The following RBMS3 variants were observed in gnomAD, a reference collection of about 807,000 sequenced individuals.
RBMS3 encodes RNA-binding motif, single-stranded-interacting protein 3.
Under a neutral mutation model 66.8 loss-of-function variants are expected in RBMS3, and 27 were observed. That is an observed-to-expected ratio of 0.40 (90% confidence interval 0.30 to 0.56). The LOEUF is 0.56. Ranked by LOEUF, RBMS3 falls within the 20% of genes least tolerant of loss-of-function variation. RBMS3 has a pLI of 0.40. For missense variants in RBMS3, 513 were observed against 549.5 expected, an observed-to-expected ratio of 0.93 and a Z score of 0.66; for synonymous variants, 188 against 183.0, an observed-to-expected ratio of 1.03 and a Z score of -0.22.
intron 6 of RBMS3, among the ~76,000 whole-genome samples, chr3:29,855,199 G>A (rs1278054646): frequency 6.6e-6 from 1 of 152,076 alleles, no homozygotes; most frequent in Non-Finnish European, 1.5e-5. Context: ...TGTTAGTTAG[G>A]GAAATTTTAC....
intron 5 of RBMS3, among the ~76,000 whole-genome samples, chr3:29,744,253 T>C (rs945345417): frequency 1.4e-4 from 22 of 152,308 alleles, no homozygotes; most frequent in South Asian, 8.3e-4. Context: ...GTACTTAGAA[T>C]ATTGACACAT....
At chr3:29,321,848 C>T (rs1439259726) in intron 1 of RBMS3, among the ~76,000 whole-genome samples, 1 of 152,156 alleles carries the variant, frequency 6.6e-6, no homozygotes, top group Non-Finnish European at 1.5e-5. Flanking sequence ...CACTCGTCCT[C>T]TCTGAGTGCT....
Position 29,693,275 on chromosome 3 carries a change from A to T in RBMS3, c.400-46445A>T, listed in dbSNP as rs528751238. Among the ~76,000 whole-genome samples, 123 of 152,334 alleles carry T rather than the reference A, an allele frequency of 8.1e-4. 1 individual carries two copies. Among genetic ancestry groups the T allele is most frequent in the Non-Finnish European group, 1.3e-3 (91 of 68,014 alleles). ...GTGATGCTGTACAGAGCAAATTCAG[A>T]CTAATACATAGACCTCAAATTCATG... On this transcript the variant is annotated intron_variant, in intron 4 of 14. Transcript: ENST00000383767.
At chr3:29,554,038 T>C (rs1192672248) in intron 3 of RBMS3, among the ~76,000 whole-genome samples, 1 of 152,148 alleles carries the variant, frequency 6.6e-6, no homozygotes, top group African/African-American at 2.4e-5. Context: ...ATAAGAAAAA[T>C]AAGGGGACTT....
At chr3:29,943,266 A>C (rs1035037679) in intron 11 of RBMS3, among the ~76,000 whole-genome samples, 2 of 151,844 alleles carry the variant, frequency 1.3e-5, no homozygotes, top group African/African-American at 2.4e-5. Context: ...CTATTTAACC[A>C]TGTGTTGGCA....
intron 3 of RBMS3, 24 bp downstream of exon 3, chr3:29,488,523 C>T (rs375973374): frequency 6.3e-7 from 1 of 1,594,656 alleles, no homozygotes; most frequent in African/African-American, 1.3e-5. Flanking sequence ...CATCCGTACC[C>T]TGAAATCTTG....
At chr3:29,522,764 T>C (rs928450202) in intron 3 of RBMS3, among the ~76,000 whole-genome samples, 1 of 152,252 alleles carries the variant, frequency 6.6e-6, no homozygotes, top group Non-Finnish European at 1.5e-5. Flanking sequence ...TACTGGAATC[T>C]AGTTGACAAA....
intron 1 of RBMS3, among the ~76,000 whole-genome samples, chr3:29,392,177 G>A (rs572474809): frequency 7.0e-4 from 107 of 152,304 alleles, no homozygotes; most frequent in African/African-American, 2.5e-3. Context: ...TTGAACCCGG[G>A]AGGTGGAGGC....
At chr3:29,751,619 G>T (rs974564613) in intron 5 of RBMS3, among the ~76,000 whole-genome samples, 8 of 152,128 alleles carry the variant, frequency 5.3e-5, no homozygotes, top group African/African-American at 1.9e-4. Context: ...TAAATACATA[G>T]GTATTTTCCT....
At chr3:29,514,976 G>A (rs2148962404) in intron 3 of RBMS3, among the ~76,000 whole-genome samples, 1 of 152,132 alleles carries the variant, frequency 6.6e-6, no homozygotes, top group East Asian at 1.9e-4. Flanking sequence ...TTTCACAGAT[G>A]AGGGTAATGA....
rs2125652790 is a variant in RBMS3, at chr3:29,395,122, A to G, written c.76-39621A>G. On this transcript the variant is annotated intron_variant, in intron 1 of 14. Transcript: ENST00000383767. ...GAAGAATAATTCATGATCTGTTCAA[A>G]TCCTCATTACCACTTTCTAATCTGA... is the stretch of plus-strand genomic sequence containing the variant. Among the ~76,000 whole-genome samples the G allele has an allele frequency of 1.3e-5, 2 of 152,282 alleles. 1 individual carries two copies. Among genetic ancestry groups the G allele is most frequent in the South Asian group, 4.1e-4 (2 of 4,826 alleles).
At chr3:29,587,084 T>C in intron 3 of RBMS3, 30 bp from the exon 4 acceptor site, 1 of 1,551,994 alleles carries the variant, frequency 6.4e-7, no homozygotes, top group South Asian at 1.2e-5. Context: ...TTTTTGTGAA[T>C]ATTAACAAGG....
At chr3:29,511,806 C>A (rs1465749599) in intron 3 of RBMS3, among the ~76,000 whole-genome samples, 1 of 151,210 alleles carries the variant, frequency 6.6e-6, no homozygotes, top group African/African-American at 2.5e-5. Flanking sequence ...CCAATTGTGT[C>A]TTGGGAAAAA....
At chr3:29,451,393 C>T (rs1023360596) in intron 2 of RBMS3, among the ~76,000 whole-genome samples, 2 of 152,088 alleles carry the variant, frequency 1.3e-5, no homozygotes, top group East Asian at 3.9e-4. Context: ...GCTAACTCCC[C>T]CCTTTCTAGG....
chr3:29,736,269 G>A (rs990827557), intron 4 of RBMS3, among the ~76,000 whole-genome samples: 10 of 152,046 alleles, frequency 6.6e-5, no homozygotes, highest in Admixed American at 6.6e-4. Flanking sequence ...ATTAAAGAAC[G>A]ACACTATCCA....
intron 1 of RBMS3, among the ~76,000 whole-genome samples, chr3:29,307,894 T>G (rs1412087195): frequency 3.3e-5 from 5 of 151,820 alleles, no homozygotes; most frequent in African/African-American, 1.2e-4. Context: ...ATAGTATATA[T>G]TAAATTCATT....
intron 1 of RBMS3, among the ~76,000 whole-genome samples, chr3:29,291,750 G>A (rs1394097689): frequency 6.6e-6 from 1 of 151,650 alleles, no homozygotes; most frequent in Admixed American, 6.6e-5. Context: ...TTGGTGTCTA[G>A]AAGTCTCTCT....
chr3:29,814,213 G>T (rs1471449795), intron 6 of RBMS3, among the ~76,000 whole-genome samples: 1 of 151,804 alleles, frequency 6.6e-6, no homozygotes, highest in East Asian at 1.9e-4. Flanking sequence ...TTTGTCAAAG[G>T]CCTTTTCTGC....
intron 4 of RBMS3, among the ~76,000 whole-genome samples, chr3:29,723,927 AG>A (rs1465125427): frequency 6.6e-6 from 1 of 152,064 alleles, no homozygotes; most frequent in Non-Finnish European, 1.5e-5. Context: ...AAATACTCCC[AG>A]GGAAGTCTGA....
Sources: allele counts gnomAD v4.1 joint callset (sites outside exome capture counted in the v4.1 genomes callset), GRCh38; gene constraint gnomAD v4.1.1; transcripts MANE v1.5; gene names NCBI Gene and HGNC (gene_info 2026-07-23, HGNC 2026-07-21).